The following S100A13 variants were observed in gnomAD, a reference collection of about 807,000 sequenced individuals.
S100A13 encodes S100 calcium binding protein A13.
In S100A13, 6 loss-of-function variants were observed where a neutral mutation model predicts 8.2. That is an observed-to-expected ratio of 0.73 (90% CI 0.40 to 1.44). The LOEUF (loss-of-function observed/expected upper bound fraction) is 1.44. Ranked by LOEUF, S100A13 falls within the 40% of genes most tolerant of loss-of-function variation. S100A13 has a pLI of 0.02. For synonymous variants in S100A13, 39 were observed against 45.9 expected (o/e 0.85, Z 0.61); for missense variants, 114 against 113.6 (o/e 1.00, Z -0.02).
upstream of S100A13, chr1:153,634,075 AT>A: frequency 6.5e-6 from 1 of 152,882 alleles, no homozygotes; most frequent in Non-Finnish European, 1.5e-5. Flanking sequence ...CGTGGCGGCC[AT>A]TTTGTTTTGG....
chr1:153,628,651 G>C (rs912659787), upstream of S100A13: 8 of 1,302,744 alleles, frequency 6.1e-6, no homozygotes, highest in African/African-American at 1.0e-4. Context: ...GGATTTGGGG[G>C]AGACAGGGTT....
At chr1:153,633,703 G>A (rs962671545), upstream of S100A13, among the ~76,000 whole-genome samples, 4 of 152,194 alleles carry the variant, frequency 2.6e-5, no homozygotes, top group African/African-American at 9.7e-5. Context: ...CCAATTGTCC[G>A]GAAGAAGACG....
intron 2 of S100A13, among the ~76,000 whole-genome samples, chr1:153,619,268 C>T (rs1162598700): frequency 3.9e-5 from 6 of 152,154 alleles, no homozygotes; most frequent in Admixed American, 6.5e-5. Context: ...TAGTGCTTGC[C>T]GTTGTGTAAA....
upstream of S100A13, chr1:153,630,718 T>C (rs1571302085): frequency 1.9e-6 from 3 of 1,593,542 alleles, no homozygotes; most frequent in South Asian, 2.3e-5. Flanking sequence ...GGGAATGGGG[T>C]GGACACCCCC....
At chr1:153,620,848 TTGAGC>T (rs1667198713) in intron 2 of S100A13, among the ~76,000 whole-genome samples, 1 of 152,086 alleles carries the variant, frequency 6.6e-6, no homozygotes, top group African/African-American at 2.4e-5. Flanking sequence ...AGAGGATCGC[TTGAGC>T]CCAGGAGTTC....
intron 1 of S100A13, chr1:153,626,918 T>G (rs1159549949): frequency 1.9e-5 from 3 of 157,070 alleles, no homozygotes; most frequent in Non-Finnish European, 2.8e-5. Context: ...CGTGTCTGTC[T>G]CAAGAATCCC....
At chr1:153,625,507 G>A (rs1315468152) in intron 2 of S100A13, among the ~76,000 whole-genome samples, 1 of 152,232 alleles carries the variant, frequency 6.6e-6, no homozygotes, top group Non-Finnish European at 1.5e-5. Flanking sequence ...CGGGTAGGGA[G>A]TCTTCACAGA....
chr1:153,621,449 G>A (rs1229860656), intron 2 of S100A13, among the ~76,000 whole-genome samples: 3 of 151,264 alleles, frequency 2.0e-5, no homozygotes, highest in Non-Finnish European at 4.4e-5. Context: ...GAGCCACCAC[G>A]CCCGGCCTAC....
At chr1:153,631,764 G>A (rs1258837597), upstream of S100A13, 1 of 1,614,216 alleles carries the variant, frequency 6.2e-7, no homozygotes, top group Admixed American at 1.7e-5. Flanking sequence ...AGACGGGGAG[G>A]TGGACTTCCA....
intron 2 of S100A13, among the ~76,000 whole-genome samples, chr1:153,621,297 T>C (rs1325913820): frequency 6.6e-6 from 1 of 151,624 alleles, no homozygotes; most frequent in African/African-American, 2.4e-5. Context: ...GCTGGGATTA[T>C]AGGCACCCAC....
At chr1:153,631,173 T>C, upstream of S100A13, 1 of 376,010 alleles carries the variant, frequency 2.7e-6, no homozygotes. Flanking sequence ...TTCATTCAAC[T>C]GGCATGAAGG....
intron 2 of S100A13, among the ~76,000 whole-genome samples, chr1:153,619,360 T>C (rs1667089596): frequency 6.6e-6 from 1 of 152,152 alleles, no homozygotes; most frequent in Non-Finnish European, 1.5e-5. Context: ...CAATCTTCTC[T>C]CACCAGCACA....
intron 2 of S100A13, among the ~76,000 whole-genome samples, chr1:153,621,934 A>G (rs1249897655): frequency 1.3e-5 from 2 of 152,200 alleles, no homozygotes; most frequent in Non-Finnish European, 2.9e-5. Context: ...TCAGAAAAAG[A>G]TATCATTTTC....
chr1:153,621,035 C>T (rs1667213236), intron 2 of S100A13, among the ~76,000 whole-genome samples: 1 of 151,456 alleles, frequency 6.6e-6, no homozygotes, highest in Admixed American at 6.6e-5. Flanking sequence ...TTAAAAAAAA[C>T]CTTGAATAAA....
At chr1:153,630,229 T>G (rs1166577042), upstream of S100A13, 3 of 485,118 alleles carry the variant, frequency 6.2e-6, no homozygotes, top group Non-Finnish European at 7.2e-6. Flanking sequence ...ACCACAGGCC[T>G]CTGGAGCCAG....
upstream of S100A13, chr1:153,631,665 A>G: frequency 6.2e-7 from 1 of 1,613,700 alleles, no homozygotes; most frequent in South Asian, 1.1e-5. Context: ...ACCCTTCCCT[A>G]TACACCTCCC....
At chr1:153,630,448 A>G, upstream of S100A13, 1 of 1,585,074 alleles carries the variant, frequency 6.3e-7, no homozygotes. Context: ...GGTTCCCCTC[A>G]CCTAGACCCC....
intron 2 of S100A13, among the ~76,000 whole-genome samples, chr1:153,623,851 G>GCTATC (rs902271902): frequency 2.0e-5 from 3 of 152,198 alleles, no homozygotes; most frequent in Non-Finnish European, 4.4e-5. Flanking sequence ...GCCAGATTCA[G>GCTATC]CTATCCAAGT....
chr1:153,631,765 T>C, upstream of S100A13: 2 of 1,613,712 alleles, frequency 1.2e-6, no homozygotes, highest in Non-Finnish European at 1.7e-6. Context: ...GACGGGGAGG[T>C]GGACTTCCAG....
Sources: allele counts gnomAD v4.1 joint callset (sites outside exome capture counted in the v4.1 genomes callset), GRCh38; gene constraint gnomAD v4.1.1; transcripts MANE v1.5; gene names NCBI Gene and HGNC (gene_info 2026-07-23, HGNC 2026-07-21).